Variants in ARHGAP22 observed in about 807,000 individuals in gnomAD.
ARHGAP22 encodes rho GTPase-activating protein 22.
ARHGAP22 carries 48 observed loss-of-function variants against 59.1 expected under a neutral mutation model. That is an observed-to-expected ratio of 0.81 (90% CI 0.64 to 1.03). The LOEUF is 1.03. ARHGAP22 is among the 50% of genes least tolerant of loss of function. The pLI, the probability that ARHGAP22 is intolerant of heterozygous loss-of-function variation, is 0.00. For missense variants in ARHGAP22, 1,015 were observed against 958.7 expected (o/e 1.06, Z -0.78); for synonymous variants, 445 against 416.4 (o/e 1.07, Z -0.84).
chr10:48,453,768 T>C (rs2046224212), intron 7 of ARHGAP22, among the ~76,000 whole-genome samples: 1 of 152,066 alleles, frequency 6.6e-6, no homozygotes, highest in South Asian at 2.1e-4. Context: ...TGGGGATACA[T>C]GAAGGGTTGG....
At chr10:48,545,533 G>A (rs1245185089) in intron 3 of ARHGAP22, among the ~76,000 whole-genome samples, 2 of 152,188 alleles carry the variant, frequency 1.3e-5, no homozygotes, top group African/African-American at 2.4e-5. Flanking sequence ...GGGGCTGCAC[G>A]AGGTCAGGCC....
intron 3 of ARHGAP22, among the ~76,000 whole-genome samples, chr10:48,521,892 A>G (rs1411585421): frequency 1.3e-5 from 2 of 152,240 alleles, no homozygotes; most frequent in African/African-American, 4.8e-5. Flanking sequence ...CAGTGTGGCA[A>G]AGGCTCTGTT....
chr10:48,491,465 A>G (rs1216941675), intron 3 of ARHGAP22, among the ~76,000 whole-genome samples: 1 of 152,192 alleles, frequency 6.6e-6, no homozygotes, highest in African/African-American at 2.4e-5. Context: ...ATTTTTTCAT[A>G]GCACTGATTG....
rs561663891 is a variant in ARHGAP22 at position 48,635,710 on chromosome 10, C to T, written c.52+16524G>A. Among the ~76,000 whole-genome samples the T allele has an allele frequency of 1.2e-4, 19 of 152,344 alleles. No individual in the cohort carries two copies. In the East Asian group the frequency reaches 3.5e-3, roughly 28 times the overall value. On this transcript the variant is annotated intron_variant, in intron 1 of 9. Transcript: ENST00000435790. ...ACCTTCATTATGCCCCTCACACTGG[C>T]CTTCCCTCCTTCCTGGTGTCACTCT...
intron 3 of ARHGAP22, among the ~76,000 whole-genome samples, chr10:48,549,835 G>A (rs2056762179): frequency 6.6e-6 from 1 of 152,104 alleles, no homozygotes; most frequent in African/African-American, 2.4e-5. Flanking sequence ...TACACCAGGG[G>A]CAGCCTCTCC....
intron 1 of ARHGAP22, among the ~76,000 whole-genome samples, chr10:48,602,139 A>G (rs2060420711): frequency 6.6e-6 from 1 of 152,242 alleles, no homozygotes; most frequent in Non-Finnish European, 1.5e-5. Flanking sequence ...ATGGGTGCAC[A>G]ATAAATGTTG....
At chr10:48,602,138 C>T (rs2060420520) in intron 1 of ARHGAP22, among the ~76,000 whole-genome samples, 1 of 152,140 alleles carries the variant, frequency 6.6e-6, no homozygotes, top group African/African-American at 2.4e-5. Flanking sequence ...CATGGGTGCA[C>T]AATAAATGTT....
At chr10:48,563,189 T>A (rs1029862136) in intron 2 of ARHGAP22, among the ~76,000 whole-genome samples, 576 of 18,254 alleles carry the variant, frequency 0.032, 2 homozygotes, top group African/African-American at 0.098. Context: ...CCAGGATAAT[T>A]TTTTTTTTTT....
intron 2 of ARHGAP22, among the ~76,000 whole-genome samples, chr10:48,576,911 A>G (rs10857602): frequency 5.0e-5 from 7 of 140,328 alleles, no homozygotes; most frequent in African/African-American, 1.4e-4. Context: ...ATCCCTCCCC[A>G]CACCGCCACC....
intron 3 of ARHGAP22, among the ~76,000 whole-genome samples, chr10:48,522,329 G>A (rs1589919122): frequency 1.3e-5 from 2 of 152,326 alleles, no homozygotes; most frequent in East Asian, 3.9e-4. Flanking sequence ...TGGGAGGGTA[G>A]GGCCCAGCTG....
At chr10:48,503,623 C>T (rs1249302695) in intron 3 of ARHGAP22, among the ~76,000 whole-genome samples, 5 of 152,246 alleles carry the variant, frequency 3.3e-5, no homozygotes, top group Non-Finnish European at 7.3e-5. Flanking sequence ...TCCTTCCCTA[C>T]CATCCCATGG....
At chr10:48,487,285 G>GC (rs1197597915) in intron 3 of ARHGAP22, among the ~76,000 whole-genome samples, 1 of 152,144 alleles carries the variant, frequency 6.6e-6, no homozygotes, top group South Asian at 2.1e-4. Context: ...CAGAATAACA[G>GC]CCCCCCAAAG....
At position 48,449,249 on chromosome 10, in the gene ARHGAP22, C is replaced by T. The variant is rs552015325; in HGVS notation, c.1868+1012G>A. Among the ~76,000 whole-genome samples the T allele has an allele frequency of 9.2e-5, 14 of 152,336 alleles. No individual in the cohort carries two copies. In the East Asian group the frequency reaches 1.2e-3, roughly 13 times the overall value. On this transcript the variant is annotated intron_variant, in intron 9 of 9. Coordinates refer to ENST00000249601, the MANE Select transcript of ARHGAP22 (RefSeq NM_021226.4). ...GTTCTACTGATGCTATTTCCTTTCT[C>T]GGCTCCATCCTATGGGTCCTTCCAG...
rs142294611 is a variant in ARHGAP22 at position 48,502,633 on chromosome 10, TC to T, written c.323-22870del. Among the ~76,000 whole-genome samples the T allele has an allele frequency of 2.7e-3, 413 of 152,284 alleles. 1 individual carries two copies. Among genetic ancestry groups the T allele is most frequent in the African/African-American group, 9.7e-3 (403 of 41,554 alleles). On this transcript the variant is annotated intron_variant, in intron 3 of 9. Transcript: ENST00000249601. ...AGGTGTTTGCACATGCTGGTGCCTT[TC>T]CCACCTGGCCACCTGGCAAACTCCT...
chr10:48,495,005 G>C (rs10776609), intron 3 of ARHGAP22, among the ~76,000 whole-genome samples: 39,407 of 151,990 alleles, frequency 0.26, 5,252 homozygotes, highest in South Asian at 0.36. Flanking sequence ...AAGGAGCTGC[G>C]CCCTCCCACC....
chr10:48,454,927 G>A, intron 6 of ARHGAP22, 75 bp downstream of exon 6: 1 of 1,441,774 alleles, frequency 6.9e-7, no homozygotes, highest in Non-Finnish European at 9.2e-7. Context: ...TGAAAAGTCA[G>A]AGTCTGTGTC....
chr10:48,563,950 A>T (rs1233916470), intron 2 of ARHGAP22, among the ~76,000 whole-genome samples: 1 of 152,234 alleles, frequency 6.6e-6, no homozygotes, highest in Non-Finnish European at 1.5e-5. Context: ...GTTAACAAGG[A>T]ATTAATAGAA....
At chr10:48,455,764 G>A (rs1811738067) in intron 5 of ARHGAP22, among the ~76,000 whole-genome samples, 1 of 152,234 alleles carries the variant, frequency 6.6e-6, no homozygotes, top group Admixed American at 6.5e-5. Context: ...GCTGGAGTGG[G>A]AGGAGCTGCA....
chr10:48,449,689 T>A (rs2045703831), intron 9 of ARHGAP22, among the ~76,000 whole-genome samples: 1 of 152,194 alleles, frequency 6.6e-6, no homozygotes, highest in South Asian at 2.1e-4. Flanking sequence ...ACCCCGGTCC[T>A]CATGGGAGGC....
Sources: allele counts gnomAD v4.1 joint callset (sites outside exome capture counted in the v4.1 genomes callset), GRCh38; gene constraint gnomAD v4.1.1; transcripts MANE v1.5; gene names NCBI Gene and HGNC (gene_info 2026-07-23, HGNC 2026-07-21).